Variants in SLC17A2 observed in about 807,000 individuals in gnomAD.
SLC17A2 encodes sodium-dependent phosphate transport protein 3.
In SLC17A2, 38 loss-of-function variants were observed where a neutral mutation model predicts 52.1. The ratio of observed to expected loss-of-function variants is 0.73; its 90% CI spans 0.56 to 0.96. SLC17A2 has a LOEUF of 0.96. SLC17A2 is among the 40% of genes least tolerant of loss of function. The pLI, the probability that SLC17A2 is intolerant of heterozygous loss-of-function variation, is 0.00. For synonymous variants in SLC17A2, 226 were observed against 211.9 expected (o/e 1.07, Z -0.58); for missense variants, 508 against 583.9 (o/e 0.87, Z 1.34).
intron 5 of SLC17A2, 56 bp downstream of exon 5, chr6:25,920,950 A>G: frequency 2.7e-6 from 4 of 1,493,980 alleles, no homozygotes; most frequent in Non-Finnish European, 3.7e-6. Context: ...CATAGAAGAT[A>G]AGACACAGTG....
chr6:25,930,539 C>G lies in SLC17A2; in HGVS notation c.-346G>C, dbSNP rs551094501. ...TACCCAAAAAGAAGAAAAGCACTTA[C>G]CTTCACCATTAAACCAGTATTTTAA... On this transcript the variant is annotated 5_prime_UTR_variant, in exon 1 of 12. Transcript: ENST00000377850. 6.6e-6 allele frequency: 1 copy of G among 152,316 alleles called. No individual in the cohort carries two copies. Among genetic ancestry groups the G allele is most frequent in the East Asian group, 1.9e-4 (1 of 5,190 alleles). The allele number at this position is 152,316 out of a possible 1,614,324, so 9.4% of individuals were successfully genotyped here.
intron 3 of SLC17A2, among the ~76,000 whole-genome samples, chr6:25,922,537 G>T (rs1766598624): frequency 6.6e-6 from 1 of 152,134 alleles, no homozygotes; most frequent in Non-Finnish European, 1.5e-5. Flanking sequence ...CAACTTGAAG[G>T]TGTCCAAGAT....
chr6:25,914,286 T>A (rs1766216176), intron 11 of SLC17A2, among the ~76,000 whole-genome samples: 1 of 152,234 alleles, frequency 6.6e-6, no homozygotes, highest in Non-Finnish European at 1.5e-5. Context: ...TTGACATGTG[T>A]CTTTCATTCT....
At chr6:25,918,974 G>A (rs1028676190) in intron 5 of SLC17A2, among the ~76,000 whole-genome samples, 26 of 152,170 alleles carry the variant, frequency 1.7e-4, no homozygotes, top group African/African-American at 6.3e-4. Context: ...CCCTCAAAGA[G>A]CTTCTGGTCC....
chr6:25,923,012 C>T (rs1019527515), intron 3 of SLC17A2, among the ~76,000 whole-genome samples: 9 of 152,002 alleles, frequency 5.9e-5, no homozygotes, highest in African/African-American at 2.2e-4. Flanking sequence ...CCTAGTGAAA[C>T]CCTGTCTCTA....
At chr6:25,924,915 A>C (rs1488017923) in intron 2 of SLC17A2, among the ~76,000 whole-genome samples, 1 of 152,192 alleles carries the variant, frequency 6.6e-6, no homozygotes, top group Non-Finnish European at 1.5e-5. Flanking sequence ...TTTCTTTAAA[A>C]GCATCCCCAT....
chr6:25,924,298 T>C (rs1766672940), intron 2 of SLC17A2, among the ~76,000 whole-genome samples: 1 of 152,246 alleles, frequency 6.6e-6, no homozygotes, highest in Non-Finnish European at 1.5e-5. Context: ...TAGTCCCATC[T>C]GTTATGCACA....
At chr6:25,915,161 A>ATG (rs1766256133) in intron 10 of SLC17A2, among the ~76,000 whole-genome samples, 1 of 117,272 alleles carries the variant, frequency 8.5e-6, no homozygotes. Context: ...ATATATATAT[A>ATG]TATATATATA....
At chr6:25,919,497 G>A (rs1303133614) in intron 5 of SLC17A2, among the ~76,000 whole-genome samples, 1 of 151,606 alleles carries the variant, frequency 6.6e-6, no homozygotes, top group South Asian at 2.1e-4. Context: ...CACGAGGTCA[G>A]GAGATTGAGA....
chr6:25,930,557 T>G lies in SLC17A2; in HGVS notation c.-364A>C, dbSNP rs915332452. ...GCACTTACCTTCACCATTAAACCAG[T>G]ATTTTAAGCCCTAGACTATAAGGCT... On this transcript the variant is annotated 5_prime_UTR_variant, in exon 1 of 12. Transcript: ENST00000377850. The G allele has an allele frequency of 2.6e-5, 4 of 152,198 alleles. No homozygotes were observed. In the East Asian group the frequency reaches 7.7e-4, roughly 29 times the overall value. 9.4% of individuals were successfully genotyped at this position (152,198 alleles called of 1,614,324 possible).
At chr6:25,918,837 A>G (rs182830305) in intron 5 of SLC17A2, among the ~76,000 whole-genome samples, 68 of 152,390 alleles carry the variant, frequency 4.5e-4, no homozygotes, top group African/African-American at 1.5e-3. Context: ...AGTTTGTCAC[A>G]GTAACTCTCT....
At chr6:25,918,148 T>G (rs965967472) in intron 6 of SLC17A2, among the ~76,000 whole-genome samples, 1 of 152,214 alleles carries the variant, frequency 6.6e-6, no homozygotes, top group African/African-American at 2.4e-5. Context: ...CTTCACTATC[T>G]TTGACATCTT....
chr6:25,921,523 G>A (rs987006397), intron 3 of SLC17A2, 111 bp from the exon 4 acceptor site: 2 of 704,138 alleles, frequency 2.8e-6, no homozygotes, highest in Non-Finnish European at 4.7e-6. Flanking sequence ...ATTGATTTTT[G>A]TTTCTCTCTA....
chr6:25,921,075 G>C lies in SLC17A2; in HGVS notation c.493C>G (p.Gln165Glu). 4 of 1,614,096 alleles carry C rather than the reference G, an allele frequency of 2.5e-6. No homozygotes were observed. The highest frequency in any genetic ancestry group is 3.4e-6 in the Non-Finnish European group (4 of 1,180,012). Reference sequence around the variant, plus strand: ...GCCCACTTTGCCCAAATAGTAAACTGACCTGTCCATGCCATTCCCTGAAAT... The same window carrying C: ...GCCCACTTTGCCCAAATAGTAAACTCACCTGTCCATGCCATTCCCTGAAAT... ...GMAQGMAWTGQFTIWAKWAPP... is the reference protein window; with the variant it reads ...GMAQGMAWTGEFTIWAKWAPP... Residue 165 changes from glutamine (Q) to glutamate (E), a missense_variant, in exon 5 of 12, where the codon CAG becomes GAG. By Grantham distance (29) the Gln-to-Glu change is conservative. Coordinates refer to ENST00000377850, the MANE Select transcript of SLC17A2 (RefSeq NM_001286123.3).
At chr6:25,920,311 A>T (rs149525380) in intron 5 of SLC17A2, among the ~76,000 whole-genome samples, 3 of 152,308 alleles carry the variant, frequency 2.0e-5, no homozygotes, top group African/African-American at 7.2e-5. Flanking sequence ...AACAGCAATG[A>T]TAAAGCTGTA....
intron 1 of SLC17A2, 130 bp from the exon 2 acceptor site, chr6:25,926,009 G>T: frequency 1.6e-6 from 1 of 607,950 alleles, no homozygotes; most frequent in East Asian, 2.8e-5. Flanking sequence ...GGGCACTACT[G>T]GTATGCTTTT....
At position 25,924,089 on chromosome 6, in the gene SLC17A2, C is replaced by T. The variant is rs146822575; in HGVS notation, c.29-183G>A. ...AATTATTTGGTTGGCTTCAAGACAGCGAATATGGGATCTTATAACCAAGTA... is the reference window on the plus strand; with the variant it reads ...AATTATTTGGTTGGCTTCAAGACAGTGAATATGGGATCTTATAACCAAGTA... On this transcript the variant is annotated intron_variant, in intron 2 of 11. Coordinates refer to ENST00000377850, the MANE Select transcript of SLC17A2 (RefSeq NM_001286123.3). Among the ~76,000 whole-genome samples the T allele has an allele frequency of 1.9e-4, 29 of 152,112 alleles. No individual in the cohort carries two copies. The South Asian group carries it at 3.7e-3, about 20-fold the overall frequency.
intron 1 of SLC17A2, among the ~76,000 whole-genome samples, chr6:25,927,060 C>T (rs1036732627): frequency 1.3e-5 from 2 of 152,122 alleles, no homozygotes; most frequent in African/African-American, 4.8e-5. Flanking sequence ...AGCAGGAATC[C>T]GTCTCAAAAC....
At chr6:25,921,475 CAG>C in intron 3 of SLC17A2, 63 bp from the exon 4 acceptor site, 1 of 1,224,222 alleles carries the variant, frequency 8.2e-7, no homozygotes, top group Non-Finnish European at 1.2e-6. Flanking sequence ...ACTTTACAGT[CAG>C]AGTTGCTTGA....
Sources: allele counts gnomAD v4.1 joint callset (sites outside exome capture counted in the v4.1 genomes callset), GRCh38; gene constraint gnomAD v4.1.1; transcripts MANE v1.5; gene names NCBI Gene and HGNC (gene_info 2026-07-23, HGNC 2026-07-21).